TLE4: variants seen among roughly 807,000 people sequenced by gnomAD.
The protein encoded by TLE4 is transducin-like enhancer protein 4.
Under a neutral mutation model 92.8 loss-of-function variants are expected in TLE4, and 8 were observed. That is an observed-to-expected ratio of 0.09 (90% CI 0.05 to 0.16). The LOEUF (loss-of-function observed/expected upper bound fraction) is 0.16, where lower values mean the gene tolerates loss of function less well. Ranked by LOEUF, TLE4 falls within the 10% of genes least tolerant of loss-of-function variation. The pLI, the probability that TLE4 is intolerant of heterozygous loss-of-function variation, is 1.00. For missense variants in TLE4, 675 were observed against 997.6 expected (o/e 0.68, Z 4.36); for synonymous variants, 371 against 374.1 (o/e 0.99, Z 0.10).
At chr9:79,702,378 G>A (rs1229594241) in intron 8 of TLE4, among the ~76,000 whole-genome samples, 1 of 152,166 alleles carries the variant, frequency 6.6e-6, no homozygotes, top group Non-Finnish European at 1.5e-5. Context: ...ACGGGATTGA[G>A]GCATGAAGTA....
chr9:79,706,979 T>C, intron 11 of TLE4, 80 bp downstream of exon 11: 2 of 1,572,860 alleles, frequency 1.3e-6, no homozygotes, highest in East Asian at 4.5e-5. Flanking sequence ...TCTTTATATT[T>C]CTCACATTTT....
intron 8 of TLE4, among the ~76,000 whole-genome samples, chr9:79,695,740 G>A (rs1161826484): frequency 1.3e-5 from 2 of 152,308 alleles, no homozygotes; most frequent in Admixed American, 6.5e-5. Flanking sequence ...TCCTTGGATA[G>A]CATTACAGAT....
intron 8 of TLE4, among the ~76,000 whole-genome samples, chr9:79,667,623 C>A (rs2061616653): frequency 6.6e-6 from 1 of 152,032 alleles, no homozygotes; most frequent in South Asian, 2.1e-4. Context: ...CATTAAAAAT[C>A]CGAAATGCGT....
intron 5 of TLE4, among the ~76,000 whole-genome samples, chr9:79,618,755 G>A (rs1209024237): frequency 6.6e-6 from 1 of 152,006 alleles, no homozygotes; most frequent in African/African-American, 2.4e-5. Context: ...GCAATGATGA[G>A]GAGCACACCT....
intron 14 of TLE4, among the ~76,000 whole-genome samples, chr9:79,716,527 A>G (rs1001970590): frequency 6.6e-6 from 1 of 152,252 alleles, no homozygotes; most frequent in Admixed American, 6.5e-5. Context: ...GGACTTTGTC[A>G]GTATTGTTCA....
At chr9:79,707,846 T>A (rs891487483) in intron 11 of TLE4, among the ~76,000 whole-genome samples, 1 of 152,226 alleles carries the variant, frequency 6.6e-6, no homozygotes, top group Non-Finnish European at 1.5e-5. Context: ...CATCCTGGTT[T>A]GTGAGCCTCA....
At chr9:79,633,622 C>G (rs1259685760) in intron 6 of TLE4, among the ~76,000 whole-genome samples, 1 of 152,096 alleles carries the variant, frequency 6.6e-6, no homozygotes, top group African/African-American at 2.4e-5. Context: ...TATAGAAAAA[C>G]AGGCTAAAAC....
intron 4 of TLE4, among the ~76,000 whole-genome samples, chr9:79,596,603 A>G (rs532502872): frequency 4.4e-4 from 66 of 150,722 alleles, no homozygotes; most frequent in Non-Finnish European, 7.5e-4. Context: ...TGTAGTATAA[A>G]TTAGTAAGGG....
At chr9:79,590,023 G>C (rs145216337) in intron 4 of TLE4, among the ~76,000 whole-genome samples, 202 of 152,276 alleles carry the variant, frequency 1.3e-3, no homozygotes, top group Admixed American at 2.6e-3. Context: ...CAGTGAACCT[G>C]TTTTACTTGG....
intron 6 of TLE4, among the ~76,000 whole-genome samples, chr9:79,652,213 G>GT (rs1383271072): frequency 6.6e-6 from 1 of 151,252 alleles, no homozygotes; most frequent in Non-Finnish European, 1.5e-5. Context: ...TTGAGATGGA[G>GT]TCTTGCTCTG....
At chr9:79,624,323 C>T (rs1270037677) in intron 5 of TLE4, among the ~76,000 whole-genome samples, 1 of 152,010 alleles carries the variant, frequency 6.6e-6, no homozygotes, top group Non-Finnish European at 1.5e-5. Context: ...GTGGGTGCTT[C>T]CTCAGGCTGT....
intron 4 of TLE4, among the ~76,000 whole-genome samples, chr9:79,591,023 T>C (rs915170295): frequency 4.6e-5 from 7 of 152,204 alleles, no homozygotes; most frequent in Admixed American, 3.3e-4. Flanking sequence ...CAAAGGCTCT[T>C]ATTCTTTCAT....
intron 4 of TLE4, among the ~76,000 whole-genome samples, chr9:79,604,274 G>C (rs1373567368): frequency 6.6e-6 from 1 of 152,124 alleles, no homozygotes; most frequent in Admixed American, 6.6e-5. Flanking sequence ...AAGAGGGACT[G>C]TCTCCTTGTT....
rs41277917 is a variant in TLE4 at position 79,725,405 on chromosome 9, A to C, written c.*261A>C. ...ATACTTAACAGTGAAAAGAATCTTTAATTATGTATTATATCTGTAATATAT... is the reference window on the plus strand; with the variant it reads ...ATACTTAACAGTGAAAAGAATCTTTCATTATGTATTATATCTGTAATATAT... On this transcript the variant is annotated 3_prime_UTR_variant, in exon 20 of 20. Transcript: ENST00000376552. 1.5e-4 allele frequency: 43 copies of C among 282,034 alleles called. No homozygotes were observed. Among genetic ancestry groups the C allele is most frequent in the Middle Eastern group, 1.1e-3 (1 of 892 alleles). The allele number at this position is 282,034 out of a possible 1,614,324, so 17.5% of individuals were successfully genotyped here.
intron 5 of TLE4, among the ~76,000 whole-genome samples, chr9:79,613,105 CAT>C (rs2048736080): frequency 6.6e-6 from 1 of 152,078 alleles, no homozygotes; most frequent in Admixed American, 6.5e-5. Context: ...TGGCAGAAGA[CAT>C]ATCAAATGGA....
At chr9:79,626,666 A>G (rs1416320389) in intron 5 of TLE4, among the ~76,000 whole-genome samples, 1 of 152,136 alleles carries the variant, frequency 6.6e-6, no homozygotes, top group African/African-American at 2.4e-5. Context: ...ACTTATTCTC[A>G]CTGGAACTGA....
chr9:79,612,729 T>C lies in TLE4; in HGVS notation c.315+11T>C. 6.2e-7 allele frequency: 1 copy of C among 1,612,614 alleles called. No homozygotes were observed. Among genetic ancestry groups the C allele is most frequent in the Non-Finnish European group, 8.5e-7 (1 of 1,178,922 alleles). On this transcript the variant is annotated intron_variant, in intron 5 of 19. Transcript: ENST00000376552. ...TTCCTGTCCCAAGAGGTAAGGTAGTTGATTTTAGGCACTGGACTAGAAGTT... is the reference window on the plus strand; with the variant it reads ...TTCCTGTCCCAAGAGGTAAGGTAGTCGATTTTAGGCACTGGACTAGAAGTT...
At chr9:79,695,586 C>T (rs534076564) in intron 8 of TLE4, among the ~76,000 whole-genome samples, 2 of 152,258 alleles carry the variant, frequency 1.3e-5, no homozygotes, top group South Asian at 2.1e-4. Flanking sequence ...ACTGGATTTT[C>T]GTGGTGATCC....
Position 79,704,850 on chromosome 9 carries a change from C to T in TLE4, c.677C>T (p.Ser226Phe), listed in dbSNP as rs1263452377. ...AAGCACAGAAACTCCGCAGACTACT[C>T]CTCAGAGAGCAAAAAGCAGAAAACT... ...AEKHRNSADY[S>F]SESKKQKTEE... The change falls in exon 9 of 20, where the codon TCC (serine) becomes TTC (phenylalanine). Residue 226 changes from serine (S) to phenylalanine (F), a missense_variant. Ser to Phe is a radical substitution (Grantham distance 155). Around this residue, in one of 5 missense-constraint regions of TLE4, gnomAD observed 280 missense variants for 287.3 expected, o/e 0.97. Coordinates refer to ENST00000376552, the MANE Select transcript of TLE4 (RefSeq NM_007005.6). 4 of 1,614,180 alleles carry T rather than the reference C, an allele frequency of 2.5e-6. No homozygotes were observed. Among genetic ancestry groups the T allele is most frequent in the Non-Finnish European group, 3.4e-6 (4 of 1,180,020 alleles).
Sources: allele counts gnomAD v4.1 joint callset (sites outside exome capture counted in the v4.1 genomes callset), GRCh38; gene constraint gnomAD v4.1.1; regional missense constraint gnomAD v4.1.1; transcripts MANE v1.5; gene names NCBI Gene and HGNC (gene_info 2026-07-23, HGNC 2026-07-21).